SALL4: variants seen among roughly 807,000 people sequenced by gnomAD.
SALL4 encodes spalt like transcription factor 4.
SALL4 carries 4 observed loss-of-function variants against 60.8 expected under a neutral mutation model. The observed-to-expected ratio is 0.07, with a 90% CI of 0.03 to 0.15. The LOEUF (loss-of-function observed/expected upper bound fraction) is 0.15. SALL4 is among the 10% of genes least tolerant of loss of function. The pLI, the probability that SALL4 is intolerant of heterozygous loss-of-function variation, is 1.00. For synonymous variants in SALL4, 580 were observed against 574.9 expected (o/e 1.01, Z -0.13); for missense variants, 1,178 against 1,394.7 (o/e 0.84, Z 2.48).
At chr20:51,789,264 A>G (rs748944737) in intron 2 of SALL4, 123 bp from the exon 3 acceptor site, 3 of 1,074,224 alleles carry the variant, frequency 2.8e-6, no homozygotes, top group South Asian at 3.3e-5. Flanking sequence ...CTGGCTTTGT[A>G]AGTAATTAAC....
At position 51,789,189 on chromosome 20, in the gene SALL4, A is replaced by T. The variant is rs989292109; in HGVS notation, c.2462-48T>A. 4.4e-6 allele frequency: 7 copies of T among 1,603,198 alleles called. No homozygotes were observed. In the Admixed American group the frequency reaches 6.8e-5, roughly 16 times the overall value. Reference sequence around the variant, plus strand: ...GCCAGACCTTTATCATCCAACCTTCATTCTTTCTCTTCAAAGCAAAAGAGA... The same window carrying T: ...GCCAGACCTTTATCATCCAACCTTCTTTCTTTCTCTTCAAAGCAAAAGAGA... On this transcript the variant is annotated intron_variant, in intron 2 of 3. Transcript: ENST00000217086.
At chr20:51,799,066 G>A (rs951037398) in intron 1 of SALL4, among the ~76,000 whole-genome samples, 2 of 152,166 alleles carry the variant, frequency 1.3e-5, no homozygotes, top group African/African-American at 4.8e-5. Flanking sequence ...CCAGCCTGGT[G>A]TCTGGCAGGC....
Position 51,802,513 on chromosome 20 carries a change from C to T in SALL4, c.-105G>A. The stretch of plus-strand genomic sequence containing the variant: ...CCCCTTCGGCCGGAACGCGCATGTC[C>T]CAGTAATTATTATTATCAATAATGC... On this transcript the variant is annotated 5_prime_UTR_variant, in exon 1 of 4. Coordinates refer to ENST00000217086, the MANE Select transcript of SALL4 (RefSeq NM_020436.5). 2.0e-6 allele frequency: 3 copies of T among 1,534,254 alleles called. No homozygotes were observed. Among genetic ancestry groups the T allele is most frequent in the South Asian group, 2.4e-5 (2 of 85,024 alleles).
Position 51,802,359 on chromosome 20 carries a change from T to C in SALL4, c.50A>G (p.Asp17Gly). The part of the protein sequence containing the change: ...AKPQHINSEE[D>G]QGEQQPQQQT... Reference sequence around the variant, plus strand: ...CTGCTGCGGCTGCTGCTCGCCCTGGTCCTCCTCCGAGTTGATGTGCTGGGG... The same window carrying C: ...CTGCTGCGGCTGCTGCTCGCCCTGGCCCTCCTCCGAGTTGATGTGCTGGGG... Residue 17 changes from aspartate to glycine, a missense_variant, in exon 1 of 4, where the codon GAC (aspartate) becomes GGC (glycine). Asp to Gly is a moderately conservative substitution (Grantham distance 94). Around this residue, in one of 5 missense-constraint regions of SALL4, gnomAD observed 108 missense variants for 95.7 expected, o/e 1.13. Coordinates refer to ENST00000217086, the MANE Select transcript of SALL4 (RefSeq NM_020436.5). 1 of 1,611,144 alleles carries C rather than the reference T, an allele frequency of 6.2e-7. No homozygotes were observed. Among genetic ancestry groups the C allele is most frequent in the Non-Finnish European group, 8.5e-7 (1 of 1,179,778 alleles).
At chr20:51,789,552 T>C (rs576640044) in intron 2 of SALL4, among the ~76,000 whole-genome samples, 1 of 152,284 alleles carries the variant, frequency 6.6e-6, no homozygotes, top group East Asian at 1.9e-4. Context: ...CATCTTTCCC[T>C]GCTTCAAGAG....
rs1355431893 is a variant in SALL4, at chr20:51,791,223, G to C, written c.1260C>G (p.Thr420=). 3.1e-6 allele frequency: 5 copies of C among 1,613,976 alleles called. No individual in the cohort carries two copies. The highest frequency in any genetic ancestry group is 3.4e-6 in the Non-Finnish European group (4 of 1,180,022). The change falls in exon 2 of 4, where the codon ACC becomes ACG. Residue 420 remains threonine, a synonymous_variant. Coordinates refer to ENST00000217086, the MANE Select transcript of SALL4 (RefSeq NM_020436.5). This position sits in a 1 kb window ranked among gnomAD's most constrained non-coding sequence, Gnocchi z 4.6. The part of the protein sequence containing the change: ...FVCSVCGHRF[T]TKGNLKVHFH... ...AGTGCACCTTGAGGTTGCCCTTGGT[G>C]GTGAAGCGATGACCACAGACAGAGC...
At chr20:51,800,652 A>C (rs998561965) in intron 1 of SALL4, among the ~76,000 whole-genome samples, 1 of 152,128 alleles carries the variant, frequency 6.6e-6, no homozygotes, top group African/African-American at 2.4e-5. Context: ...TCTCCGGAGG[A>C]AGCAGGCGGG....
intron 1 of SALL4, among the ~76,000 whole-genome samples, chr20:51,799,908 C>A (rs772942775): frequency 6.6e-6 from 1 of 152,130 alleles, no homozygotes; most frequent in Admixed American, 6.5e-5. Flanking sequence ...ATAAGACCAG[C>A]TCAATCTGCA....
At chr20:51,794,604 CTG>C (rs1444401186) in intron 1 of SALL4, among the ~76,000 whole-genome samples, 2 of 152,062 alleles carry the variant, frequency 1.3e-5, no homozygotes, top group African/African-American at 2.4e-5. Flanking sequence ...AACAGAGACT[CTG>C]AGAAATAATG....
Position 51,802,202 on chromosome 20 carries a change from C to G in SALL4, c.130+77G>C, listed in dbSNP as rs1479554859. 4 of 1,490,522 alleles carry G rather than the reference C, an allele frequency of 2.7e-6. No individual in the cohort carries two copies. The African/African-American group carries it at 4.2e-5, about 16-fold the overall frequency. The allele number at this position is 1,490,522 out of a possible 1,614,324, so 92.3% of individuals were successfully genotyped here. A position where few individuals can be genotyped will look rare whatever the true frequency, so the allele number is the denominator to read the frequency against. ...TTTGCGCTGGACGCCGCCCGCTCCC[C>G]GAAGCCTGCGCCCTCGAGGATCCCG... On this transcript the variant is annotated intron_variant, in intron 1 of 3. Transcript: ENST00000217086.
chr20:51,791,106 G>T lies in SALL4; in HGVS notation c.1377C>A (p.Leu459=), dbSNP rs1359248477. ...GTTCATCTATGGGGTCAGGTACAGA[G>T]AGTGCATAGGGGATGCCATTGCCGG... ...VAAGNGIPYA[L]SVPDPIDEPS... The change falls in exon 2 of 4, where the codon CTC becomes CTA. Residue 459 remains leucine, a synonymous_variant. Coordinates refer to ENST00000217086, the MANE Select transcript of SALL4 (RefSeq NM_020436.5). This position sits in a 1 kb window ranked among gnomAD's most constrained non-coding sequence, Gnocchi z 4.6. The T allele has an allele frequency of 6.2e-7, 1 of 1,614,180 alleles. No homozygotes were observed.
chr20:51,785,722 C>T (rs2077987472), intron 3 of SALL4, among the ~76,000 whole-genome samples: 1 of 151,996 alleles, frequency 6.6e-6, no homozygotes, highest in Non-Finnish European at 1.5e-5. Context: ...CGGCTCGCTG[C>T]AACCTCCGCC....
In SALL4 at chr20:51,801,926, G is replaced by C. The variant is rs943080807; in HGVS notation, c.130+353C>G. 1.3e-5 allele frequency among the ~76,000 whole-genome samples: 2 copies of C among 151,696 alleles called. No individual in the cohort carries two copies. Among genetic ancestry groups the C allele is most frequent in the Admixed American group, 6.6e-5 (1 of 15,236 alleles). On this transcript the variant is annotated intron_variant, in intron 1 of 3. Transcript: ENST00000217086. This position sits in a 1 kb window ranked among gnomAD's most constrained non-coding sequence, Gnocchi z 5.2. ...AGGGGGACCTAAGTTACAAGGGGGGGGGGTAACACCAGTGAGGGGAGTGGA... is the reference window on the plus strand; with the variant it reads ...AGGGGGACCTAAGTTACAAGGGGGGCGGGTAACACCAGTGAGGGGAGTGGA...
rs1454133790 is a variant in SALL4 at position 51,784,047 on chromosome 20, G to A, written c.*218C>T. 1 of 596,898 alleles carries A rather than the reference G, an allele frequency of 1.7e-6. No homozygotes were observed. The highest frequency in any genetic ancestry group is 1.9e-5 in the African/African-American group (1 of 53,642). The allele number at this position is 596,898 out of a possible 1,614,324, so 37.0% of individuals were successfully genotyped here. The stretch of plus-strand genomic sequence containing the variant: ...AAAAAAAGAGTCTGTATTTGTTTTG[G>A]TATGCATTTTTTTTTTATTTTTTCA... On this transcript the variant is annotated 3_prime_UTR_variant, in exon 4 of 4. Transcript: ENST00000217086.
At chr20:51,799,814 A>G (rs1174095428) in intron 1 of SALL4, among the ~76,000 whole-genome samples, 1 of 152,124 alleles carries the variant, frequency 6.6e-6, no homozygotes, top group African/African-American at 2.4e-5. Flanking sequence ...CCCTGCGACC[A>G]CCTGCAGATT....
chr20:51,796,196 CAAA>C (rs11474910), intron 1 of SALL4, among the ~76,000 whole-genome samples: 8 of 90,568 alleles, frequency 8.8e-5, no homozygotes, highest in African/African-American at 2.6e-4. Context: ...AAGACTGTCT[CAAA>C]AAAAAAAAAA....
At chr20:51,800,904 T>A (rs2078105808) in intron 1 of SALL4, among the ~76,000 whole-genome samples, 2 of 152,290 alleles carry the variant, frequency 1.3e-5, no homozygotes, top group African/African-American at 4.8e-5. Context: ...ATTGACGTAT[T>A]ATAAACTTGG....
intron 1 of SALL4, among the ~76,000 whole-genome samples, chr20:51,800,543 A>AC (rs112561074): frequency 1.3e-5 from 2 of 152,282 alleles, no homozygotes; most frequent in African/African-American, 4.8e-5. Context: ...GCCAAACACC[A>AC]CCAAAAGCCC....
Position 51,784,141 on chromosome 20 carries a change from C to A in SALL4, c.*124G>T. ...TGCCTGAGGTTGTGGTCACAACCAA[C>A]GTAGTAAACATCATTTGCATATCAG... On this transcript the variant is annotated 3_prime_UTR_variant, in exon 4 of 4. Coordinates refer to ENST00000217086, the MANE Select transcript of SALL4 (RefSeq NM_020436.5). 2.6e-6 allele frequency: 3 copies of A among 1,154,080 alleles called. No homozygotes were observed. The East Asian group carries it at 7.1e-5, about 27-fold the overall frequency. The allele number at this position is 1,154,080 out of a possible 1,614,324, so 71.5% of individuals were successfully genotyped here.
Sources: allele counts gnomAD v4.1 joint callset (sites outside exome capture counted in the v4.1 genomes callset), GRCh38; gene constraint gnomAD v4.1.1; regional missense constraint gnomAD v4.1.1; non-coding constraint Gnocchi (gnomAD v3.1); transcripts MANE v1.5; gene names NCBI Gene and HGNC (gene_info 2026-07-23, HGNC 2026-07-21).